Variants in AARS1 observed in about 807,000 individuals in gnomAD.
The protein encoded by AARS1 is alanine--tRNA ligase, cytoplasmic.
In AARS1, 72 loss-of-function variants were observed where a neutral mutation model predicts 108.9. The observed-to-expected ratio is 0.66, with a 90% CI of 0.55 to 0.80. AARS1 has a LOEUF of 0.80. Ranked by LOEUF, AARS1 falls within the 30% of genes least tolerant of loss-of-function variation. AARS1 has a pLI of 0.00. For synonymous variants in AARS1, 489 were observed against 465.7 expected, an observed-to-expected ratio of 1.05 and a Z score of -0.64; for missense variants, 1,193 against 1,233.2, an observed-to-expected ratio of 0.97 and a Z score of 0.49.
intron 7 of AARS1, among the ~76,000 whole-genome samples, chr16:70,269,115 G>A (rs867925226): frequency 1.1e-4 from 16 of 151,936 alleles, no homozygotes; most frequent in South Asian, 8.3e-4. Flanking sequence ...CCTGAGGTTG[G>A]GAGTTTGAGA....
intron 15 of AARS1, among the ~76,000 whole-genome samples, 179 bp downstream of exon 15, chr16:70,257,854 A>C (rs1237365825): frequency 6.6e-6 from 1 of 152,160 alleles, no homozygotes; most frequent in Non-Finnish European, 1.5e-5. Context: ...TTACCTTCAG[A>C]TACAGGGATC....
chr16:70,252,904 A>T lies in AARS1; in HGVS notation c.2724T>A (p.Asn908Lys). The T allele has an allele frequency of 6.2e-7, 1 of 1,614,198 alleles. No homozygotes were observed. Among genetic ancestry groups the T allele is most frequent in the Non-Finnish European group, 8.5e-7 (1 of 1,180,038 alleles). The change falls in exon 21 of 21, where the codon AAT (asparagine) becomes AAA (lysine). Residue 908 changes from asparagine (N) to lysine (K), a missense_variant and splice_region_variant. Physicochemically the swap from Asn to Lys is moderately conservative, Grantham distance 94. Coordinates refer to ENST00000261772, the MANE Select transcript of AARS1 (RefSeq NM_001605.3). ...KITCLCQVPQ[N>K]AANRGLKASE... is the part of the protein sequence containing the mutation. ...TGGCTTTTAAGCCCCGATTGGCTGC[A>T]TTCTAGAAGACAGGAAGGGAAGGGG... is the stretch of plus-strand genomic sequence containing the variant.
chr16:70,276,562 C>T lies in AARS1; in HGVS notation c.403G>A (p.Val135Ile), dbSNP rs879254261. 1.2e-6 allele frequency: 2 copies of T among 1,614,118 alleles called. No individual in the cohort carries two copies. Among genetic ancestry groups the T allele is most frequent in the Non-Finnish European group, 8.5e-7 (1 of 1,180,012 alleles). ...GCTTCATCCCCGCCAAAGTAAGTAA[C>T]ATAAAGTCTTTCAATGGGAATGCCA... ...EFGIPIERLY[V>I]TYFGGDEAAG... Residue 135 changes from valine (V) to isoleucine (I), a missense_variant, in exon 4 of 21, where the codon GTT becomes ATT. Transcript: ENST00000261772.
intron 14 of AARS1, among the ~76,000 whole-genome samples, 182 bp downstream of exon 14, chr16:70,258,798 G>T (rs533620426): frequency 6.6e-6 from 1 of 152,056 alleles, no homozygotes; most frequent in Non-Finnish European, 1.5e-5. Context: ...CTCGTGATCC[G>T]CCCGCCTCGG....
rs377576408 is a variant in AARS1 at position 70,254,049 on chromosome 16, T to C, written c.2401-11A>G. ...TGCAGTGGCCAGGGCCTGGAACCAA[T>C]AGACGACCATCTCAATCTGGGCCAC... is the stretch of plus-strand genomic sequence containing the variant. On this transcript the variant is annotated splice_polypyrimidine_tract_variant and intron_variant, in intron 17 of 20. Coordinates refer to ENST00000261772, the MANE Select transcript of AARS1 (RefSeq NM_001605.3). 55 of 1,613,698 alleles carry C rather than the reference T, an allele frequency of 3.4e-5. No individual in the cohort carries two copies. The East Asian group carries it at 4.0e-4, about 12-fold the overall frequency.
chr16:70,271,677 A>C lies in AARS1; in HGVS notation c.671+104T>G, dbSNP rs577611080. ...CCAGAGATCAGACAGGTAATCTGAG[A>C]AATAAAGAAATGAGCTTTTAGCTGA... On this transcript the variant is annotated intron_variant, in intron 5 of 20. Transcript: ENST00000261772. The C allele has an allele frequency of 3.4e-5, 40 of 1,182,122 alleles. No homozygotes were observed. The East Asian group carries it at 9.5e-4, about 28-fold the overall frequency. 73.2% of individuals were successfully genotyped at this position (1,182,122 alleles called of 1,614,324 possible).
chr16:70,262,168 G>A (rs374110252), intron 12 of AARS1, among the ~76,000 whole-genome samples, 178 bp downstream of exon 12: 2 of 152,252 alleles, frequency 1.3e-5, no homozygotes, highest in African/African-American at 2.4e-5. Context: ...GAGGGTACCC[G>A]ATGGCCAGGA....
rs1960296268 is a variant in AARS1 at position 70,267,707 on chromosome 16, T to C, written c.1174A>G (p.Ile392Val). The change falls in exon 9 of 21, where the codon ATC becomes GTC. Residue 392 changes from isoleucine to valine, a missense_variant. Ile to Val is a conservative substitution (Grantham distance 29, BLOSUM62 3). Transcript: ENST00000261772. ...FLKTLSRGRR[I>V]LDRKIQSLGD... ...AGGCTCTGAATTTTCCTGTCCAGGA[T>C]GCGACGCCCTCTGCTGAGAGTCTTG... The C allele has an allele frequency of 6.2e-7, 1 of 1,614,180 alleles. No individual in the cohort carries two copies. Among genetic ancestry groups the C allele is most frequent in the African/African-American group, 1.3e-5 (1 of 75,042 alleles).
intron 2 of AARS1, among the ~76,000 whole-genome samples, chr16:70,279,670 C>CAAAAAA: frequency 8.7e-6 from 1 of 114,580 alleles, no homozygotes; most frequent in Non-Finnish European, 1.8e-5. Context: ...CAAAAAAAAA[C>CAAAAAA]AAAAAAAAAA....
At chr16:70,271,667 G>T in intron 5 of AARS1, 114 bp downstream of exon 5, 2 of 1,063,336 alleles carry the variant, frequency 1.9e-6, no homozygotes, top group Non-Finnish European at 2.8e-6. Flanking sequence ...GATCAGACAG[G>T]TAATCTGAGA....
At chr16:70,284,580 C>A (rs374824696) in intron 1 of AARS1, among the ~76,000 whole-genome samples, 2 of 151,936 alleles carry the variant, frequency 1.3e-5, no homozygotes, top group African/African-American at 4.8e-5. Context: ...CCAGCCTGGG[C>A]GACAGAGACC....
Position 70,277,091 on chromosome 16 carries a change from C to G in AARS1, c.208G>C (p.Ala70Pro), listed in dbSNP as rs1960569577. Residue 70 changes from alanine to proline, a missense_variant, in exon 3 of 21, where the codon GCC becomes CCC. Coordinates refer to ENST00000261772, the MANE Select transcript of AARS1 (RefSeq NM_001605.3). ...SHPMAKLSRAANTQKCIRAGG... is the reference protein window; with the variant it reads ...SHPMAKLSRAPNTQKCIRAGG... ...GCCCGGATGCACTTCTGGGTATTGG[C>G]AGCTCTGCTCAGCTTTGCCATGGGG... is the stretch of plus-strand genomic sequence containing the variant. 1.2e-6 allele frequency: 2 copies of G among 1,614,196 alleles called. No homozygotes were observed. The highest frequency in any genetic ancestry group is 1.7e-6 in the Non-Finnish European group (2 of 1,180,034).
chr16:70,262,480 T>G lies in AARS1; in HGVS notation c.1537A>C (p.Lys513Gln), dbSNP rs1960156160. ...GTGGACACCTCTTCCACGAACATCT[T>G]CTCCCTGCGCAGAGCCATCACCGTA... is the stretch of plus-strand genomic sequence containing the variant. Reference protein sequence around the residue: ...VATVMALRREKMFVEEVSTGQ... With the variant: ...VATVMALRREQMFVEEVSTGQ... Residue 513 changes from lysine to glutamine, a missense_variant, in exon 12 of 21, where the codon AAG becomes CAG. Physicochemically the swap from Lys to Gln is moderately conservative, Grantham distance 53. Transcript: ENST00000261772. The G allele has an allele frequency of 6.2e-7, 1 of 1,613,910 alleles. No homozygotes were observed. The highest frequency in any genetic ancestry group is 1.7e-5 in the Admixed American group (1 of 59,974).
intron 1 of AARS1, among the ~76,000 whole-genome samples, chr16:70,286,912 T>C (rs1273467838): frequency 6.6e-6 from 1 of 150,436 alleles, no homozygotes; most frequent in African/African-American, 2.5e-5. Context: ...GGTCAGGAGT[T>C]CGAGAACAGC....
chr16:70,261,237 T>C (rs906018046), intron 12 of AARS1, 80 bp from the exon 13 acceptor site: 5 of 988,322 alleles, frequency 5.1e-6, no homozygotes, highest in Non-Finnish European at 6.3e-6. Flanking sequence ...TATAAACTCG[T>C]GTATATAACT....
chr16:70,262,451 G>A lies in AARS1; in HGVS notation c.1566C>T (p.Gly522=), dbSNP rs1199814545. The A allele has an allele frequency of 1.2e-6, 2 of 1,614,148 alleles. No homozygotes were observed. Among genetic ancestry groups the A allele is most frequent in the Admixed American group, 1.7e-5 (1 of 60,004 alleles). ...TGTCCAGCACCACTCCACACTCCTG[G>A]CCTGTGGACACCTCTTCCACGAACA... ...EKMFVEEVST[G]QECGVVLDKT... is the part of the protein sequence containing the mutation. Residue 522 remains glycine, a synonymous_variant, in exon 12 of 21, where the codon GGC becomes GGT. Coordinates refer to ENST00000261772, the MANE Select transcript of AARS1 (RefSeq NM_001605.3).
intron 4 of AARS1, 131 bp from the exon 5 acceptor site, chr16:70,272,103 A>G: frequency 1.2e-6 from 1 of 813,278 alleles, no homozygotes; most frequent in Non-Finnish European, 2.1e-6. Context: ...TCCAGCCTAG[A>G]CAACAGAGCG....
At position 70,278,307 on chromosome 16, in the gene AARS1, G is replaced by C. The variant is rs148493777; in HGVS notation, c.145-1153C>G. On this transcript the variant is annotated intron_variant, in intron 2 of 20. Coordinates refer to ENST00000261772, the MANE Select transcript of AARS1 (RefSeq NM_001605.3). ...CAGCTGGGCGCAGTGGCTCATGCCT[G>C]TAATCCCCAGCACTTCAGGAGGCTG... Among the ~76,000 whole-genome samples the C allele has an allele frequency of 4.9e-3, 746 of 152,056 alleles. 2 individuals carry two copies. The highest frequency in any genetic ancestry group is 0.017 in the African/African-American group (711 of 41,540).
chr16:70,265,235 T>C (rs1221046386), intron 10 of AARS1, 133 bp from the exon 11 acceptor site: 1 of 1,193,152 alleles, frequency 8.4e-7, no homozygotes, highest in Non-Finnish European at 1.2e-6. Flanking sequence ...CTACTGACAT[T>C]TGGGGCCAGA....
Sources: allele counts gnomAD v4.1 joint callset (sites outside exome capture counted in the v4.1 genomes callset), GRCh38; gene constraint gnomAD v4.1.1; transcripts MANE v1.5; gene names NCBI Gene and HGNC (gene_info 2026-07-23, HGNC 2026-07-21).